The following MTFMT variants were observed in gnomAD, a reference collection of about 807,000 sequenced individuals.
The protein encoded by MTFMT is mitochondrial methionyl-tRNA formyltransferase, also known as methionyl-tRNA formyltransferase, mitochondrial.
Under a neutral mutation model 51.8 loss-of-function variants are expected in MTFMT, and 47 were observed. The observed-to-expected ratio is 0.91, with a 90% CI of 0.72 to 1.16. The LOEUF (loss-of-function observed/expected upper bound fraction) is 1.16, where lower values mean the gene tolerates loss of function less well. Among genes scored for constraint, MTFMT ranks in the 50% most tolerant of loss-of-function variants. The pLI, the probability that MTFMT is intolerant of heterozygous loss-of-function variation, is 0.00. For missense variants in MTFMT, 512 were observed against 482.3 expected (o/e 1.06, Z -0.58); for synonymous variants, 196 against 176.7 (o/e 1.11, Z -0.87).
intron 6 of MTFMT, among the ~76,000 whole-genome samples, chr15:65,012,043 T>A (rs1031656510): frequency 6.7e-6 from 1 of 149,042 alleles, no homozygotes; most frequent in Non-Finnish European, 1.5e-5. Context: ...CCAAATTCAT[T>A]CTTTTGATTG....
At chr15:65,025,299 G>C (rs946383601) in intron 2 of MTFMT, among the ~76,000 whole-genome samples, 3 of 149,210 alleles carry the variant, frequency 2.0e-5, no homozygotes, top group Non-Finnish European at 4.5e-5. Context: ...CAGCTACTCA[G>C]AAGGCTGAGG....
chr15:65,002,963 A>C lies in MTFMT; in HGVS notation c.*99T>G. 1 of 160,774 alleles carries C rather than the reference A, an allele frequency of 6.2e-6. No individual in the cohort carries two copies. The highest frequency in any genetic ancestry group is 9.2e-6 in the Non-Finnish European group (1 of 108,404). 10.0% of individuals were successfully genotyped at this position (160,774 alleles called of 1,614,324 possible). Reference sequence around the variant, plus strand: ...GGGTGACAGAGTGAGACTCTGTCTCAAAAAAAAAAAAAAAAAAAAAAGTCC... The same window carrying C: ...GGGTGACAGAGTGAGACTCTGTCTCCAAAAAAAAAAAAAAAAAAAAAGTCC... On this transcript the variant is annotated 3_prime_UTR_variant, in exon 9 of 9. Coordinates refer to ENST00000220058, the MANE Select transcript of MTFMT (RefSeq NM_139242.4).
intron 8 of MTFMT, 101 bp downstream of exon 8, chr15:65,004,753 T>C (rs1194726673): frequency 1.5e-6 from 1 of 648,366 alleles, no homozygotes; most frequent in Non-Finnish European, 2.5e-6. Flanking sequence ...ACCCAATCTA[T>C]GGACAGGCAG....
At chr15:65,003,523 T>A (rs2086194803) in intron 8 of MTFMT, among the ~76,000 whole-genome samples, 1 of 151,964 alleles carries the variant, frequency 6.6e-6, no homozygotes. Flanking sequence ...GTATAAATAT[T>A]TAAATACAAA....
Position 65,023,665 on chromosome 15 carries a change from G to C in MTFMT, c.542+7C>G. 2.2e-5 allele frequency: 35 copies of C among 1,612,456 alleles called. No individual in the cohort carries two copies. The highest frequency in any genetic ancestry group is 3.0e-5 in the Non-Finnish European group (35 of 1,178,976). Reference sequence around the variant, plus strand: ...CAAAAATCTCAAGAAAGGAAAATATGTGCTACCTTTTAGGTCTAATTTGCA... The same window carrying C: ...CAAAAATCTCAAGAAAGGAAAATATCTGCTACCTTTTAGGTCTAATTTGCA... On this transcript the variant is annotated splice_region_variant and intron_variant, in intron 3 of 8. Coordinates refer to ENST00000220058, the MANE Select transcript of MTFMT (RefSeq NM_139242.4).
chr15:65,029,318 C>T, intron 1 of MTFMT, 87 bp downstream of exon 1: 1 of 1,330,924 alleles, frequency 7.5e-7, no homozygotes, highest in South Asian at 1.9e-5. Flanking sequence ...TTTCCGCAAC[C>T]AGAAGTCCAA....
chr15:65,014,710 C>T (rs560333602), intron 6 of MTFMT, among the ~76,000 whole-genome samples: 1 of 151,672 alleles, frequency 6.6e-6, no homozygotes, highest in Non-Finnish European at 1.5e-5. Context: ...TCACTGCAAC[C>T]TCTGTCTCCT....
chr15:65,006,538 G>C (rs1456680610), intron 6 of MTFMT, among the ~76,000 whole-genome samples: 1 of 151,874 alleles, frequency 6.6e-6, no homozygotes, highest in East Asian at 1.9e-4. Context: ...AACCATGCCC[G>C]GCTAATTTTT....
At chr15:65,008,255 C>T (rs892485099) in intron 6 of MTFMT, among the ~76,000 whole-genome samples, 1 of 152,128 alleles carries the variant, frequency 6.6e-6, no homozygotes, top group Non-Finnish European at 1.5e-5. Flanking sequence ...AGGGCTTCCC[C>T]CACCAATGGT....
At chr15:65,016,215 T>C in intron 6 of MTFMT, 1 of 329,170 alleles carries the variant, frequency 3.0e-6, no homozygotes, top group Non-Finnish European at 5.6e-6. Context: ...TATACATATA[T>C]TTAAAAGTGC....
intron 3 of MTFMT, among the ~76,000 whole-genome samples, chr15:65,023,412 T>C (rs1300704716): frequency 1.3e-5 from 2 of 152,176 alleles, no homozygotes; most frequent in Non-Finnish European, 2.9e-5. Context: ...TTTATAGAAA[T>C]CCGAGTATTA....
intron 1 of MTFMT, among the ~76,000 whole-genome samples, 190 bp from the exon 2 acceptor site, chr15:65,027,230 C>T (rs1245093098): frequency 2.7e-5 from 4 of 150,590 alleles, no homozygotes; most frequent in Non-Finnish European, 1.5e-5. Flanking sequence ...TGGAGTCTCA[C>T]TCTGTCACCC....
At chr15:65,028,859 T>G in intron 1 of MTFMT, among the ~76,000 whole-genome samples, 1 of 152,148 alleles carries the variant, frequency 6.6e-6, no homozygotes, top group Non-Finnish European at 1.5e-5. Flanking sequence ...ATTTATAAAT[T>G]TATTCTTTTG....
chr15:65,018,495 T>G (rs1318469544), intron 5 of MTFMT, among the ~76,000 whole-genome samples: 2 of 152,232 alleles, frequency 1.3e-5, no homozygotes, highest in African/African-American at 4.8e-5. Flanking sequence ...AGCTTGAATA[T>G]TTTTTAAAAA....
chr15:65,002,079 A>G lies in MTFMT; in HGVS notation c.*983T>C, dbSNP rs541841888. 3 of 152,202 alleles carry G rather than the reference A, an allele frequency of 2.0e-5. No homozygotes were observed. The South Asian group carries it at 6.2e-4, about 32-fold the overall frequency. The allele number at this position is 152,202 out of a possible 1,614,324, so 9.4% of individuals were successfully genotyped here. Reference sequence around the variant, plus strand: ...TCAGTGGTGACACGATTTTTAAAAAATTAAATAGATGCACTGTTTTTAAAA... The same window carrying G: ...TCAGTGGTGACACGATTTTTAAAAAGTTAAATAGATGCACTGTTTTTAAAA... On this transcript the variant is annotated 3_prime_UTR_variant, in exon 9 of 9. Coordinates refer to ENST00000220058, the MANE Select transcript of MTFMT (RefSeq NM_139242.4).
intron 6 of MTFMT, among the ~76,000 whole-genome samples, chr15:65,008,870 A>G (rs540535247): frequency 6.6e-6 from 1 of 152,326 alleles, no homozygotes; most frequent in South Asian, 2.1e-4. Context: ...ATTTCTATTT[A>G]CTGAGAGTAA....
intron 8 of MTFMT, among the ~76,000 whole-genome samples, chr15:65,003,888 C>A (rs2086200073): frequency 7.1e-6 from 1 of 141,390 alleles, no homozygotes; most frequent in South Asian, 2.3e-4. Context: ...ATATATAGAC[C>A]CAGAAAAGGA....
chr15:65,004,972 A>G (rs1164264967), intron 7 of MTFMT, 36 bp from the exon 8 acceptor site: 1 of 1,474,594 alleles, frequency 6.8e-7, no homozygotes, highest in Non-Finnish European at 9.5e-7. Flanking sequence ...ATACAAGAGA[A>G]AAAAGCAATT....
At chr15:65,021,756 G>C in intron 3 of MTFMT, 140 bp from the exon 4 acceptor site, 1 of 535,894 alleles carries the variant, frequency 1.9e-6, no homozygotes, top group East Asian at 2.9e-5. Flanking sequence ...GAGGCAGCAG[G>C]ATTGCTTGAT....
Sources: allele counts gnomAD v4.1 joint callset (sites outside exome capture counted in the v4.1 genomes callset), GRCh38; gene constraint gnomAD v4.1.1; transcripts MANE v1.5; gene names NCBI Gene and HGNC (gene_info 2026-07-23, HGNC 2026-07-21).